The following LCORL variants were observed in gnomAD, a reference collection of about 807,000 sequenced individuals.
LCORL encodes the protein ligand-dependent nuclear receptor corepressor-like protein.
In LCORL, 41 loss-of-function variants were observed where a neutral mutation model predicts 141.8. The observed-to-expected ratio is 0.29, with a 90% CI of 0.23 to 0.38. LCORL has a LOEUF of 0.38. Among genes scored for constraint, LCORL ranks in the 10% least tolerant of loss-of-function variants. The pLI, the probability that LCORL is intolerant of heterozygous loss-of-function variation, is 1.00. For missense variants in LCORL, 1,759 were observed against 2,035.0 expected, an observed-to-expected ratio of 0.86 and a Z score of 2.61; for synonymous variants, 618 against 694.1, an observed-to-expected ratio of 0.89 and a Z score of 1.72.
At chr4:17,863,330 T>C (rs2109137978) in intron 7 of LCORL, among the ~76,000 whole-genome samples, 1 of 152,092 alleles carries the variant, frequency 6.6e-6, no homozygotes, top group Middle Eastern at 3.4e-3. Flanking sequence ...AAACAAAATA[T>C]GTGAGCAAAG....
At chr4:17,945,412 T>TG (rs1396630065) in intron 4 of LCORL, among the ~76,000 whole-genome samples, 20 of 125,020 alleles carry the variant, frequency 1.6e-4, no homozygotes, top group African/African-American at 8.4e-4. Context: ...TAAATTGGGG[T>TG]TTTTTTTTTT....
At chr4:18,020,216 T>C (rs1466765747) in intron 1 of LCORL, among the ~76,000 whole-genome samples, 2 of 152,148 alleles carry the variant, frequency 1.3e-5, no homozygotes, top group Non-Finnish European at 2.9e-5. Context: ...TCTTCTCTAC[T>C]AGTCAAAAAA....
chr4:17,965,287 T>C (rs1200836169), intron 2 of LCORL, among the ~76,000 whole-genome samples: 2 of 152,154 alleles, frequency 1.3e-5, no homozygotes, highest in Non-Finnish European at 1.5e-5. Context: ...TTTGGTGGGA[T>C]ACATTTTTCT....
rs533889051 is a variant in LCORL, at chr4:17,898,797, T to C, written c.682+10297A>G. 9.2e-5 allele frequency among the ~76,000 whole-genome samples: 14 copies of C among 152,222 alleles called. No homozygotes were observed. The East Asian group carries it at 2.1e-3, about 23-fold the overall frequency. On this transcript the variant is annotated intron_variant, in intron 5 of 7. Coordinates refer to ENST00000635767, the Ensembl canonical transcript of LCORL. ...GTCCCAGTGAATCACCCTGAATGCA[T>C]ATCATTCCATATTTGTGCAGGTGTA...
intron 7 of LCORL, among the ~76,000 whole-genome samples, chr4:17,848,847 G>A (rs570349177): frequency 4.1e-4 from 63 of 152,324 alleles, no homozygotes; most frequent in Non-Finnish European, 8.1e-4. Flanking sequence ...CTTTTCCGAC[G>A]GGCTTAAAAA....
intron 4 of LCORL, among the ~76,000 whole-genome samples, chr4:17,934,857 T>C (rs372238695): frequency 1.0e-3 from 154 of 152,294 alleles, no homozygotes; most frequent in Non-Finnish European, 1.7e-3. Context: ...TCACGAAACA[T>C]GGTATCAAGG....
At chr4:17,924,177 G>T (rs1189433547) in intron 4 of LCORL, among the ~76,000 whole-genome samples, 1 of 152,134 alleles carries the variant, frequency 6.6e-6, no homozygotes, top group Non-Finnish European at 1.5e-5. Context: ...CTCAAAAATT[G>T]TGAAAATATT....
chr4:17,884,003 C>A lies in LCORL; in HGVS notation c.776+2065G>T, dbSNP rs533387222. ...TTTCCTGGGCTGCTTACTGTCTTTTCGATCTAATCCATCTTCAGTATTTTC... is the reference window on the plus strand; with the variant it reads ...TTTCCTGGGCTGCTTACTGTCTTTTAGATCTAATCCATCTTCAGTATTTTC... On this transcript the variant is annotated intron_variant, in intron 6 of 7. Transcript: ENST00000635767. This position sits in a 1 kb window ranked among gnomAD's most constrained non-coding sequence, Gnocchi z 4.4. The A allele has an allele frequency of 6.4e-7, 1 of 1,550,730 alleles. No individual in the cohort carries two copies.
At chr4:17,966,922 A>G (rs1715004553) in intron 2 of LCORL, among the ~76,000 whole-genome samples, 1 of 152,134 alleles carries the variant, frequency 6.6e-6, no homozygotes, top group African/African-American at 2.4e-5. Context: ...ATGCTCCTAA[A>G]TATTTACCCA....
chr4:17,863,025 G>T (rs983054973), intron 7 of LCORL, among the ~76,000 whole-genome samples: 4 of 152,158 alleles, frequency 2.6e-5, no homozygotes, highest in African/African-American at 9.7e-5. Context: ...ATTAAAAAGT[G>T]GGCAAAGGGG....
intron 5 of LCORL, among the ~76,000 whole-genome samples, chr4:17,903,094 A>G (rs1731117350): frequency 6.6e-6 from 1 of 152,008 alleles, no homozygotes; most frequent in African/African-American, 2.4e-5. Context: ...TCAAGTCTCA[A>G]CTCTCATTTT....
At chr4:17,848,189 A>G (rs1422642819) in intron 7 of LCORL, among the ~76,000 whole-genome samples, 1 of 152,208 alleles carries the variant, frequency 6.6e-6, no homozygotes, top group African/African-American at 2.4e-5. Flanking sequence ...AAAAAAACCT[A>G]AATTTACTAA....
At chr4:17,892,573 G>T (rs892526861) in intron 5 of LCORL, among the ~76,000 whole-genome samples, 2 of 151,986 alleles carry the variant, frequency 1.3e-5, no homozygotes, top group Non-Finnish European at 2.9e-5. Context: ...TATATATATA[G>T]CTGAAATACT....
intron 5 of LCORL, among the ~76,000 whole-genome samples, chr4:17,903,025 T>C (rs2109304651): frequency 6.6e-6 from 1 of 152,220 alleles, no homozygotes. Flanking sequence ...TCAGAATATT[T>C]TGCAACCAAA....
Position 17,909,087 on chromosome 4 carries a change from A to G in LCORL, c.682+7T>C. The G allele has an allele frequency of 1.3e-6, 2 of 1,580,082 alleles. No individual in the cohort carries two copies. The highest frequency in any genetic ancestry group is 1.7e-6 in the Non-Finnish European group (2 of 1,166,712). ...ATTATATATTAAATGCACACAAAAA[A>G]TCTTACCTTGCTGAGTATTTTGTTC... is the stretch of plus-strand genomic sequence containing the variant. On this transcript the variant is annotated splice_region_variant and intron_variant, in intron 5 of 7. Transcript: ENST00000635767.
chr4:17,895,475 G>A (rs540339010), intron 5 of LCORL, among the ~76,000 whole-genome samples: 1 of 152,188 alleles, frequency 6.6e-6, no homozygotes, highest in Non-Finnish European at 1.5e-5. Context: ...CCACGTTGTT[G>A]CAAATGACAG....
chr4:17,957,551 A>G (rs1712921269), intron 4 of LCORL, among the ~76,000 whole-genome samples: 1 of 151,994 alleles, frequency 6.6e-6, no homozygotes, highest in Non-Finnish European at 1.5e-5. Context: ...AAGGAAGAGG[A>G]GAATCTGGGT....
chr4:17,912,847 G>A (rs952377232), intron 4 of LCORL: 29 of 436,648 alleles, frequency 6.6e-5, no homozygotes, highest in Non-Finnish European at 1.2e-4. Flanking sequence ...GGAAGATGGC[G>A]AGGACTTCAA....
chr4:17,963,058 G>A lies in LCORL; in HGVS notation c.221-9C>T. 2 of 1,541,654 alleles carry A rather than the reference G, an allele frequency of 1.3e-6. No homozygotes were observed. Among genetic ancestry groups the A allele is most frequent in the Non-Finnish European group, 1.8e-6 (2 of 1,131,564 alleles). Reference sequence around the variant, plus strand: ...CTCTTCTGGTTCACAGTCTTTAAAAGAGGGAAAAAATTCATTAAATATACT... The same window carrying A: ...CTCTTCTGGTTCACAGTCTTTAAAAAAGGGAAAAAATTCATTAAATATACT... On this transcript the variant is annotated splice_polypyrimidine_tract_variant and intron_variant, in intron 2 of 7. Coordinates refer to ENST00000635767, the Ensembl canonical transcript of LCORL.
Sources: allele counts gnomAD v4.1 joint callset (sites outside exome capture counted in the v4.1 genomes callset), GRCh38; gene constraint gnomAD v4.1.1; non-coding constraint Gnocchi (gnomAD v3.1); transcripts MANE v1.5; gene names NCBI Gene and HGNC (gene_info 2026-07-23, HGNC 2026-07-21).